Variants in PBRM1 observed in about 807,000 individuals in gnomAD.
The protein encoded by PBRM1 is protein polybromo-1.
A neutral mutation model predicts 194.5 loss-of-function variants in PBRM1; 27 were observed. That is an observed-to-expected ratio of 0.14 (90% CI 0.10 to 0.19). The LOEUF is 0.19. PBRM1 is among the 10% of genes least tolerant of loss of function. The probability of loss-of-function intolerance (pLI) is 1.00; values close to 1 mark genes in which losing one functional copy is unlikely to be tolerated. For synonymous variants in PBRM1, 655 were observed against 693.2 expected, an observed-to-expected ratio of 0.94 and a Z score of 0.87; for missense variants, 1,466 against 2,077.2, an observed-to-expected ratio of 0.71 and a Z score of 5.72.
At chr3:52,679,690 CTCT>C in exon 1 of PBRM1, 1 of 1,613,780 alleles carries the variant, frequency 6.2e-7, no homozygotes, top group Non-Finnish European at 8.5e-7. Flanking sequence ...GGGGAGGTAG[CTCT>C]TCTTCTCTTG....
chr3:52,671,857 G>A (rs911898480), intron 2 of PBRM1, among the ~76,000 whole-genome samples: 2 of 152,114 alleles, frequency 1.3e-5, no homozygotes, highest in East Asian at 1.9e-4. Flanking sequence ...TGGCTTGCTC[G>A]TTGAGGTGAG....
chr3:52,683,387 A>C (rs184137276), upstream of PBRM1, among the ~76,000 whole-genome samples: 3 of 151,754 alleles, frequency 2.0e-5, no homozygotes, highest in African/African-American at 7.3e-5. Context: ...AAAAAAAAAA[A>C]CAACATAAAG....
intron 25 of PBRM1, among the ~76,000 whole-genome samples, chr3:52,559,429 T>A (rs1214547426): frequency 6.6e-6 from 1 of 152,060 alleles, no homozygotes; most frequent in Non-Finnish European, 1.5e-5. Context: ...CCATACAGGG[T>A]TTCTTGTCTC....
chr3:52,583,175 C>T (rs1453980848), intron 20 of PBRM1, among the ~76,000 whole-genome samples: 6 of 150,486 alleles, frequency 4.0e-5, no homozygotes, highest in Non-Finnish European at 7.4e-5. Flanking sequence ...TTTGGGAGGC[C>T]GAGGCAGGCG....
At chr3:52,594,677 T>C (rs1457686725) in intron 17 of PBRM1, among the ~76,000 whole-genome samples, 1 of 152,214 alleles carries the variant, frequency 6.6e-6, no homozygotes, top group African/African-American at 2.4e-5. Context: ...TTGGTCTATA[T>C]ACTTCAGTGT....
At chr3:52,591,114 T>A (rs187864816) in intron 17 of PBRM1, among the ~76,000 whole-genome samples, 1 of 152,228 alleles carries the variant, frequency 6.6e-6, no homozygotes, top group South Asian at 2.1e-4. Context: ...TGATTGTGTA[T>A]CCTGACACTT....
intron 4 of PBRM1, 74 bp from the exon 6 acceptor site, chr3:52,658,389 G>T: frequency 7.9e-6 from 6 of 756,282 alleles, no homozygotes; most frequent in Non-Finnish European, 1.3e-5. Flanking sequence ...TTCTAAAATT[G>T]TAGAGCTAAT....
At chr3:52,643,378 G>C in intron 8 of PBRM1, 35 bp from the exon 10 acceptor site, 2 of 1,408,598 alleles carry the variant, frequency 1.4e-6, no homozygotes, top group Non-Finnish European at 2.0e-6. Flanking sequence ...TTAGAAACTT[G>C]GTAGCTGAAA....
intron 22 of PBRM1, among the ~76,000 whole-genome samples, chr3:52,567,393 T>A (rs889644946): frequency 6.6e-6 from 1 of 151,864 alleles, no homozygotes; most frequent in East Asian, 1.9e-4. Context: ...AAAAGCTGGG[T>A]TAAAGGGTAT....
At chr3:52,610,153 G>T (rs191043214) in intron 15 of PBRM1, among the ~76,000 whole-genome samples, 198 bp from the exon 18 acceptor site, 1 of 152,238 alleles carries the variant, frequency 6.6e-6, no homozygotes, top group East Asian at 1.9e-4. Context: ...TATTTTTGAT[G>T]GGAGACTACT....
At chr3:52,642,706 G>A (rs919463928) in intron 9 of PBRM1, among the ~76,000 whole-genome samples, 1 of 151,372 alleles carries the variant, frequency 6.6e-6, no homozygotes, top group Admixed American at 6.6e-5. Context: ...TTTATTGGTA[G>A]CTAATATTAA....
At chr3:52,565,681 C>A (rs1251326236) in intron 22 of PBRM1, among the ~76,000 whole-genome samples, 1 of 151,716 alleles carries the variant, frequency 6.6e-6, no homozygotes, top group Non-Finnish European at 1.5e-5. Flanking sequence ...AAATATATAA[C>A]CCAATTAAAA....
At chr3:52,639,968 G>A (rs1015524032) in intron 10 of PBRM1, among the ~76,000 whole-genome samples, 3 of 152,132 alleles carry the variant, frequency 2.0e-5, no homozygotes, top group African/African-American at 4.8e-5. Flanking sequence ...ATCTTCATTC[G>A]TTTTCTGTTT....
intron 13 of PBRM1, among the ~76,000 whole-genome samples, chr3:52,617,970 A>G (rs1386101679): frequency 6.6e-6 from 1 of 152,188 alleles, no homozygotes; most frequent in Non-Finnish European, 1.5e-5. Context: ...AAAATAAAAA[A>G]CCTAAAAAGA....
chr3:52,582,348 G>A (rs184670930), intron 20 of PBRM1, among the ~76,000 whole-genome samples: 1 of 151,198 alleles, frequency 6.6e-6, no homozygotes, highest in Non-Finnish European at 1.5e-5. Flanking sequence ...AGAGTTCCTA[G>A]AGACTTCTAA....
At chr3:52,563,729 C>G (rs1388383470) in intron 23 of PBRM1, among the ~76,000 whole-genome samples, 6 of 150,570 alleles carry the variant, frequency 4.0e-5, no homozygotes, top group Non-Finnish European at 8.9e-5. Flanking sequence ...AAGTTGGGAT[C>G]TAGTTGCCTA....
intron 29 of PBRM1, among the ~76,000 whole-genome samples, chr3:52,549,880 G>C (rs1396974502): frequency 1.3e-5 from 2 of 149,598 alleles, no homozygotes; most frequent in African/African-American, 5.0e-5. Context: ...ACTCCAGCCT[G>C]GGCGACAGAG....
At chr3:52,605,526 C>T (rs1425510720) in intron 16 of PBRM1, among the ~76,000 whole-genome samples, 1 of 152,092 alleles carries the variant, frequency 6.6e-6, no homozygotes, top group Non-Finnish European at 1.5e-5. Context: ...CAGAATGCTG[C>T]TCCCATCAGC....
chr3:52,652,270 G>A (rs2096517260), intron 5 of PBRM1, among the ~76,000 whole-genome samples: 1 of 151,814 alleles, frequency 6.6e-6, no homozygotes, highest in Non-Finnish European at 1.5e-5. Context: ...TGTAATCCCA[G>A]CTACTCAGGA....
Sources: allele counts gnomAD v4.1 joint callset (sites outside exome capture counted in the v4.1 genomes callset), GRCh38; gene constraint gnomAD v4.1.1; transcripts MANE v1.5; gene names NCBI Gene and HGNC (gene_info 2026-07-23, HGNC 2026-07-21).